USH2A: variants seen among roughly 807,000 people sequenced by gnomAD.
USH2A encodes the protein usherin.
A neutral mutation model predicts 538.9 loss-of-function variants in USH2A; 443 were observed. The observed-to-expected ratio is 0.82, with a 90% CI of 0.76 to 0.89. The LOEUF (loss-of-function observed/expected upper bound fraction) is 0.89, where lower values mean the gene tolerates loss of function less well. USH2A is among the 40% of genes least tolerant of loss of function. USH2A has a pLI of 0.00. For synonymous variants in USH2A, 2,413 were observed against 2,273.5 expected, an observed-to-expected ratio of 1.06 and a Z score of -1.75; for missense variants, 6,633 against 6,324.8, an observed-to-expected ratio of 1.05 and a Z score of -1.65.
At chr1:216,387,832 C>T (rs1045474571) in intron 3 of USH2A, among the ~76,000 whole-genome samples, 6 of 152,102 alleles carry the variant, frequency 3.9e-5, no homozygotes, top group Non-Finnish European at 8.8e-5. Context: ...CTCCATCTGC[C>T]CTCCCTCTCT....
intron 61 of USH2A, among the ~76,000 whole-genome samples, chr1:215,683,452 G>C (rs771369160): frequency 3.3e-5 from 5 of 152,170 alleles, no homozygotes; most frequent in Non-Finnish European, 7.3e-5. Flanking sequence ...CAACATCAAA[G>C]TTCACTATTT....
At chr1:215,878,320 C>T (rs559822321) in intron 42 of USH2A, among the ~76,000 whole-genome samples, 124 of 152,274 alleles carry the variant, frequency 8.1e-4, no homozygotes, top group African/African-American at 2.9e-3. Context: ...TTCTGAATCA[C>T]AGCTCTTTTC....
At chr1:216,052,247 G>A (rs1400387844) in intron 30 of USH2A, among the ~76,000 whole-genome samples, 1 of 151,738 alleles carries the variant, frequency 6.6e-6, no homozygotes, top group Non-Finnish European at 1.5e-5. Flanking sequence ...AAAGATGCTG[G>A]AGAGAAACTA....
At chr1:216,332,606 C>T (rs2037890491) in intron 4 of USH2A, among the ~76,000 whole-genome samples, 1 of 152,146 alleles carries the variant, frequency 6.6e-6, no homozygotes, top group South Asian at 2.1e-4. Context: ...GAGTGTTAAA[C>T]TGCCTCAGTG....
intron 50 of USH2A, among the ~76,000 whole-genome samples, chr1:215,797,379 A>C (rs1172913871): frequency 3.3e-5 from 5 of 152,234 alleles, no homozygotes; most frequent in Non-Finnish European, 7.3e-5. Flanking sequence ...TACACTAAAC[A>C]ACAGATCTTC....
intron 30 of USH2A, among the ~76,000 whole-genome samples, chr1:216,066,478 A>G (rs966449940): frequency 1.4e-5 from 2 of 146,776 alleles, no homozygotes; most frequent in Admixed American, 6.7e-5. Flanking sequence ...AATAATAGTA[A>G]TAATAATAAT....
Position 216,048,572 on chromosome 1 carries a change from T to C in USH2A, c.6125A>G (p.Glu2042Gly). ...AGAGATGTTCAATGCATGTGAGCTC[T>C]CAGTACAGCCAGCCAAAGTGCAAGC... ...LTACTLAGCT[E>G]SSHALNISTP... is the part of the protein sequence containing the mutation. Residue 2042 changes from glutamate to glycine, a missense_variant, in exon 31 of 72, where the codon GAG (glutamate) becomes GGG (glycine). Transcript: ENST00000307340. 6.2e-7 allele frequency: 1 copy of C among 1,614,120 alleles called. No homozygotes were observed. Among genetic ancestry groups the C allele is most frequent in the Non-Finnish European group, 8.5e-7 (1 of 1,179,980 alleles).
At chr1:216,285,812 T>TA (rs2036872321) in intron 11 of USH2A, among the ~76,000 whole-genome samples, 3 of 152,192 alleles carry the variant, frequency 2.0e-5, no homozygotes, top group Non-Finnish European at 4.4e-5. Flanking sequence ...TCAAAGGAGA[T>TA]CATTTGGTAA....
At position 216,155,987 on chromosome 1, in the gene USH2A, C is replaced by G. The variant is rs924776870; in HGVS notation, c.4627+19265G>C. Among the ~76,000 whole-genome samples the G allele has an allele frequency of 1.2e-4, 19 of 152,116 alleles. 1 individual carries two copies. The highest frequency in any genetic ancestry group is 4.6e-4 in the African/African-American group (19 of 41,420). The stretch of plus-strand genomic sequence containing the variant: ...TCAGTGAAAATATCAGCATGCCCTT[C>G]TTAAAAACATTCTTGGTATCAGGCT... On this transcript the variant is annotated intron_variant, in intron 21 of 71. Coordinates refer to ENST00000307340, the MANE Select transcript of USH2A (RefSeq NM_206933.4).
At position 215,630,480 on chromosome 1, in the gene USH2A, G is replaced by GTA. The variant is rs1443855975; in HGVS notation, c.15298-1446_15298-1445insTA. Among the ~76,000 whole-genome samples, 876 of 105,586 alleles carry GTA rather than the reference G, an allele frequency of 8.3e-3. 4 individuals are homozygous for GTA. Among genetic ancestry groups the GTA allele is most frequent in the African/African-American group, 0.013 (279 of 22,292 alleles). 69.3% of individuals were successfully genotyped at this position (105,586 alleles called of 152,430 possible). A position where few individuals can be genotyped will look rare whatever the true frequency, so the allele number is the denominator to read the frequency against. On this transcript the variant is annotated intron_variant, in intron 70 of 71. Transcript: ENST00000307340. The stretch of plus-strand genomic sequence containing the variant: ...AATATATATGTATGTGTATGTGTGT[G>GTA]TGTATATATATATATATATATATAT...
chr1:215,880,666 G>A (rs1262104784), intron 41 of USH2A, among the ~76,000 whole-genome samples: 1 of 152,148 alleles, frequency 6.6e-6, no homozygotes, highest in Non-Finnish European at 1.5e-5. Flanking sequence ...AACTCAGAGA[G>A]CTTCCTGGTA....
intron 37 of USH2A, among the ~76,000 whole-genome samples, chr1:215,959,381 A>C: frequency 6.6e-6 from 1 of 152,072 alleles, no homozygotes; most frequent in East Asian, 1.9e-4. Flanking sequence ...CAATTTAAAA[A>C]TTGTTCTTTC....
chr1:215,870,287 A>T (rs997456690), intron 43 of USH2A, among the ~76,000 whole-genome samples: 23 of 145,184 alleles, frequency 1.6e-4, no homozygotes, highest in Non-Finnish European at 3.2e-4. Flanking sequence ...TTTATTTTTT[A>T]TTTTTTTTTT....
At chr1:216,195,600 G>A (rs886799323) in intron 19 of USH2A, 2 of 152,110 alleles carry the variant, frequency 1.3e-5, no homozygotes, top group Non-Finnish European at 2.9e-5. Flanking sequence ...CAATATGGCA[G>A]TGGCTTGGAA....
At chr1:215,697,261 C>T (rs61828170) in intron 61 of USH2A, among the ~76,000 whole-genome samples, 20,369 of 151,776 alleles carry the variant, frequency 0.13, 1,523 homozygotes, top group East Asian at 0.31. Flanking sequence ...ACCTGGCCTG[C>T]CCCCTATTTT....
At chr1:215,842,171 C>T (rs529860718) in intron 46 of USH2A, among the ~76,000 whole-genome samples, 2 of 151,946 alleles carry the variant, frequency 1.3e-5, no homozygotes, top group African/African-American at 4.8e-5. Context: ...TGAAAATATA[C>T]ACAAAAGAAT....
chr1:215,935,251 T>C (rs1221640323), intron 37 of USH2A, among the ~76,000 whole-genome samples: 2 of 152,018 alleles, frequency 1.3e-5, no homozygotes, highest in Non-Finnish European at 2.9e-5. Context: ...TGGATATACG[T>C]ATTATACTCA....
At chr1:216,241,788 C>A (rs187198686) in intron 13 of USH2A, among the ~76,000 whole-genome samples, 21 of 152,210 alleles carry the variant, frequency 1.4e-4, no homozygotes, top group African/African-American at 4.6e-4. Flanking sequence ...CCCGCCTCAG[C>A]CTCTCAGTGC....
At chr1:215,923,530 G>C (rs1464974368) in intron 38 of USH2A, among the ~76,000 whole-genome samples, 1 of 152,016 alleles carries the variant, frequency 6.6e-6, no homozygotes, top group Non-Finnish European at 1.5e-5. Context: ...TGGAATGCCT[G>C]TCATTCCTGA....
Sources: gnomAD v4.1 joint callset for allele counts (sites outside exome capture counted in the v4.1 genomes callset) on GRCh38, gnomAD v4.1.1 for gene constraint, MANE v1.5 for transcripts, NCBI Gene and HGNC (gene_info 2026-07-23, HGNC 2026-07-21) for gene names.